The following CNOT2 variants were observed in gnomAD, a reference collection of about 807,000 sequenced individuals.
CNOT2 encodes CCR4-NOT transcription complex subunit 2.
CNOT2 carries 7 observed loss-of-function variants against 72.1 expected under a neutral mutation model. That is an observed-to-expected ratio of 0.10 (90% CI 0.06 to 0.18). The LOEUF (loss-of-function observed/expected upper bound fraction) is 0.18, where lower values mean the gene tolerates loss of function less well. Ranked by LOEUF, CNOT2 falls within the 10% of genes least tolerant of loss-of-function variation. CNOT2 has a pLI of 1.00. For synonymous variants in CNOT2, 196 were observed against 225.6 expected (o/e 0.87, Z 1.17); for missense variants, 345 against 660.3 (o/e 0.52, Z 5.23).
intron 3 of CNOT2, among the ~76,000 whole-genome samples, chr12:70,312,248 A>G (rs1876592930): frequency 6.6e-6 from 1 of 151,994 alleles, no homozygotes; most frequent in African/African-American, 2.4e-5. Context: ...CTATTTAAGT[A>G]TTGACCTTGT....
At chr12:70,303,473 C>T (rs1040567907) in intron 2 of CNOT2, among the ~76,000 whole-genome samples, 16 of 152,186 alleles carry the variant, frequency 1.1e-4, no homozygotes, top group East Asian at 3.9e-4. Flanking sequence ...CCTTCACTTA[C>T]GAAGCTTAGT....
chr12:70,244,509 T>C (rs1042574523), intron 1 of CNOT2, among the ~76,000 whole-genome samples: 4 of 152,196 alleles, frequency 2.6e-5, no homozygotes, highest in Non-Finnish European at 5.9e-5. Flanking sequence ...GACCTTATAT[T>C]TATTCCAGGC....
chr12:70,342,813 T>C (rs1324701362), intron 13 of CNOT2, among the ~76,000 whole-genome samples: 1 of 152,194 alleles, frequency 6.6e-6, no homozygotes, highest in Non-Finnish European at 1.5e-5. Flanking sequence ...ACTTTTTGCT[T>C]TAGAAGAACT....
At chr12:70,269,826 A>C (rs1269896907) in intron 1 of CNOT2, among the ~76,000 whole-genome samples, 1 of 152,186 alleles carries the variant, frequency 6.6e-6, no homozygotes, top group Non-Finnish European at 1.5e-5. Context: ...CAAAAGACTG[A>C]AGATTTATAG....
rs986490395 is a variant in CNOT2, at chr12:70,354,740, T to C, written c.*825T>C. On this transcript the variant is annotated 3_prime_UTR_variant, in exon 16 of 16. Transcript: ENST00000229195. ...AGGAGGTGTGCATGGATGCAATATATGAAAATGGGACATTCTGGAACTGCT... is the reference window on the plus strand; with the variant it reads ...AGGAGGTGTGCATGGATGCAATATACGAAAATGGGACATTCTGGAACTGCT... The C allele has an allele frequency of 6.6e-6, 1 of 152,592 alleles. No individual in the cohort carries two copies. Among genetic ancestry groups the C allele is most frequent in the African/African-American group, 2.4e-5 (1 of 41,442 alleles). 9.5% of individuals were successfully genotyped at this position (152,592 alleles called of 1,614,324 possible).
At chr12:70,278,950 A>G (rs1219192807) in intron 2 of CNOT2, among the ~76,000 whole-genome samples, 1 of 152,228 alleles carries the variant, frequency 6.6e-6, no homozygotes. Context: ...AAACCAACAT[A>G]TTTGAATTTA....
chr12:70,307,509 G>GTA (rs1476700084), intron 2 of CNOT2, among the ~76,000 whole-genome samples: 1 of 152,048 alleles, frequency 6.6e-6, no homozygotes, highest in Non-Finnish European at 1.5e-5. Flanking sequence ...GACCACCGTT[G>GTA]TATATATGGT....
chr12:70,319,165 G>T, intron 3 of CNOT2, 133 bp from the exon 4 acceptor site: 1 of 656,450 alleles, frequency 1.5e-6, no homozygotes, highest in Non-Finnish European at 2.5e-6. Context: ...TAGAATGTTT[G>T]TTTTATGTTT....
At chr12:70,308,844 T>G (rs1402271428) in intron 2 of CNOT2, among the ~76,000 whole-genome samples, 3 of 152,152 alleles carry the variant, frequency 2.0e-5, no homozygotes, top group Non-Finnish European at 4.4e-5. Context: ...TTGAGCTTAT[T>G]TATGTGTATA....
intron 1 of CNOT2, among the ~76,000 whole-genome samples, chr12:70,273,113 C>A (rs759377010): frequency 6.6e-6 from 1 of 152,084 alleles, no homozygotes. Context: ...CTTCTGTCAA[C>A]GCTAAATTTT....
At chr12:70,329,202 T>C (rs1340876436) in intron 4 of CNOT2, among the ~76,000 whole-genome samples, 1 of 151,902 alleles carries the variant, frequency 6.6e-6, no homozygotes, top group African/African-American at 2.4e-5. Flanking sequence ...ATATGAAAAA[T>C]AGGAATATGA....
chr12:70,247,216 G>A (rs1381514695), intron 1 of CNOT2, among the ~76,000 whole-genome samples: 4 of 151,558 alleles, frequency 2.6e-5, no homozygotes, highest in Non-Finnish European at 5.9e-5. Context: ...TGAGGCTGGA[G>A]TGCAATGGCG....
rs562416965 is a variant in CNOT2, at chr12:70,286,262, GC to G, written c.48+7992del. Among the ~76,000 whole-genome samples, 261 of 149,178 alleles carry G rather than the reference GC, an allele frequency of 1.7e-3. 19 individuals are homozygous for G. Among genetic ancestry groups the G allele is most frequent in the Non-Finnish European group, 2.6e-3 (177 of 67,390 alleles). On this transcript the variant is annotated intron_variant, in intron 2 of 15. Transcript: ENST00000229195. ...TTGGGAGTGTTTATACCAATTTTGAGCCCCATCAGTAGTCCTCATATTCATC... is the reference window on the plus strand; with the variant it reads ...TTGGGAGTGTTTATACCAATTTTGAGCCCATCAGTAGTCCTCATATTCATC...
intron 2 of CNOT2, among the ~76,000 whole-genome samples, chr12:70,307,036 A>G (rs143903111): frequency 6.6e-6 from 1 of 152,328 alleles, no homozygotes; most frequent in Non-Finnish European, 1.5e-5. Flanking sequence ...AAAAGGTTAC[A>G]CCTTTATAGG....
chr12:70,284,480 A>G (rs1870510242), intron 2 of CNOT2, among the ~76,000 whole-genome samples: 1 of 152,016 alleles, frequency 6.6e-6, no homozygotes, highest in Non-Finnish European at 1.5e-5. Flanking sequence ...TCCTGACCTC[A>G]GGTGATCTCC....
At chr12:70,289,400 A>G (rs1037012039) in intron 2 of CNOT2, among the ~76,000 whole-genome samples, 2 of 152,152 alleles carry the variant, frequency 1.3e-5, no homozygotes, top group East Asian at 1.9e-4. Context: ...CTTATTTTAC[A>G]CAGCTTGATT....
intron 1 of CNOT2, among the ~76,000 whole-genome samples, chr12:70,245,676 G>A (rs1158433251): frequency 6.6e-6 from 1 of 152,098 alleles, no homozygotes; most frequent in African/African-American, 2.4e-5. Context: ...ATATCCCCAA[G>A]TACCTGCTCT....
In CNOT2 at chr12:70,338,968, T is replaced by G; in HGVS notation, c.1178+146T>G. ...GGTCATTCCCATTCATGTTAGCTCT[T>G]AGATCACTGTCACTCTGCAGTATTC... On this transcript the variant is annotated intron_variant, in intron 11 of 15. Transcript: ENST00000229195. 15 of 684,812 alleles carry G rather than the reference T, an allele frequency of 2.2e-5. No homozygotes were observed. In the East Asian group the frequency reaches 3.2e-4, roughly 14 times the overall value. The allele number at this position is 684,812 out of a possible 1,614,324, so 42.4% of individuals were successfully genotyped here. A position where few individuals can be genotyped will look rare whatever the true frequency, so the allele number is the denominator to read the frequency against.
At chr12:70,278,690 G>C (rs1869289851) in intron 2 of CNOT2, among the ~76,000 whole-genome samples, 1 of 152,154 alleles carries the variant, frequency 6.6e-6, no homozygotes, top group Non-Finnish European at 1.5e-5. Context: ...AAATTGAGTA[G>C]AGTATAGAAG....
Sources: allele counts gnomAD v4.1 joint callset (sites outside exome capture counted in the v4.1 genomes callset), GRCh38; gene constraint gnomAD v4.1.1; transcripts MANE v1.5; gene names NCBI Gene and HGNC (gene_info 2026-07-23, HGNC 2026-07-21).